The following PRDM2 variants were observed in gnomAD, a reference collection of about 807,000 sequenced individuals.
PRDM2 encodes the protein PR domain zinc finger protein 2.
A neutral mutation model predicts 130.0 loss-of-function variants in PRDM2; 30 were observed. The ratio of observed to expected loss-of-function variants is 0.23; its 90% CI spans 0.17 to 0.31. The LOEUF (loss-of-function observed/expected upper bound fraction) is 0.31. Ranked by LOEUF, PRDM2 falls within the 10% of genes least tolerant of loss-of-function variation. PRDM2 has a pLI of 1.00. For missense variants in PRDM2, 2,011 were observed against 2,108.4 expected (o/e 0.95, Z 0.90); for synonymous variants, 871 against 782.4 (o/e 1.11, Z -1.89).
chr1:13,774,644 A>G (rs1345731807), intron 7 of PRDM2, among the ~76,000 whole-genome samples: 1 of 152,154 alleles, frequency 6.6e-6, no homozygotes, highest in Non-Finnish European at 1.5e-5. Flanking sequence ...ATTCGAGACA[A>G]TTATTTTTCT....
intron 7 of PRDM2, chr1:13,773,643 G>A (rs1440085283): frequency 1.3e-5 from 2 of 152,306 alleles, no homozygotes; most frequent in African/African-American, 2.4e-5. Flanking sequence ...GTGCCCAGGA[G>A]TTAGAGGCTA....
At chr1:13,810,865 C>T (rs1386304261) in intron 8 of PRDM2, among the ~76,000 whole-genome samples, 1 of 152,028 alleles carries the variant, frequency 6.6e-6, no homozygotes, top group Admixed American at 6.6e-5. Flanking sequence ...ATTTTAGTGC[C>T]TGCATGCAGT....
chr1:13,737,605 A>C (rs918811237), intron 4 of PRDM2, among the ~76,000 whole-genome samples: 3 of 152,202 alleles, frequency 2.0e-5, no homozygotes, highest in Non-Finnish European at 4.4e-5. Context: ...TGAATGAAGT[A>C]ATTAAAGGTG....
At chr1:13,795,343 G>A (rs989342679) in intron 8 of PRDM2, among the ~76,000 whole-genome samples, 1 of 152,176 alleles carries the variant, frequency 6.6e-6, no homozygotes, top group African/African-American at 2.4e-5. Flanking sequence ...TTTTACAAAT[G>A]GGGAAACCGA....
Position 13,773,115 on chromosome 1 carries a change from C to A in PRDM2, c.549C>A (p.Asn183Lys). The A allele has an allele frequency of 1.9e-6, 3 of 1,560,336 alleles. No individual in the cohort carries two copies. Among genetic ancestry groups the A allele is most frequent in the Non-Finnish European group, 1.7e-6 (2 of 1,158,618 alleles). Reference sequence around the variant, plus strand: ...CCCAGGAAAATAAAAACAAAGGAAACAAAATCCAAGACATACAACTGAAGA... The same window carrying A: ...CCCAGGAAAATAAAAACAAAGGAAAAAAAATCCAAGACATACAACTGAAGA... ...KKSQENKNKG[N>K]KIQDIQLKTS... The change falls in exon 7 of 10, where the codon AAC (asparagine) becomes AAA (lysine). Residue 183 changes from asparagine (N) to lysine (K), a missense_variant. Transcript: ENST00000311066.
chr1:13,729,486 A>G (rs1197349078), intron 2 of PRDM2, among the ~76,000 whole-genome samples: 2 of 152,228 alleles, frequency 1.3e-5, no homozygotes, highest in Admixed American at 1.3e-4. Flanking sequence ...TGCCAATGCC[A>G]ACTACCAGTG....
intron 9 of PRDM2, among the ~76,000 whole-genome samples, chr1:13,819,158 T>C (rs1161071406): frequency 1.3e-5 from 2 of 152,194 alleles, no homozygotes. Flanking sequence ...AGGTGTTCTC[T>C]GCAGCCGGAG....
intron 8 of PRDM2, among the ~76,000 whole-genome samples, chr1:13,797,417 A>G (rs1393792467): frequency 6.6e-6 from 1 of 152,242 alleles, no homozygotes; most frequent in African/African-American, 2.4e-5. Flanking sequence ...CTGGTGTCAG[A>G]TATTGTAGTT....
chr1:13,718,441 G>T (rs1569718415), intron 2 of PRDM2, among the ~76,000 whole-genome samples: 1 of 152,156 alleles, frequency 6.6e-6, no homozygotes, highest in Non-Finnish European at 1.5e-5. Context: ...TCCACAGCCT[G>T]CCAGTACTTT....
rs944389005 is a variant in PRDM2, at chr1:13,749,215, G to C, written c.385-146G>C. The C allele has an allele frequency of 1.5e-4, 108 of 705,108 alleles. No homozygotes were observed. In the African/African-American group the frequency reaches 2.0e-3, roughly 13 times the overall value. The allele number at this position is 705,108 out of a possible 1,614,324, so 43.7% of individuals were successfully genotyped here. On this transcript the variant is annotated intron_variant, in intron 5 of 9. Transcript: ENST00000311066. ...CGGCGCGGCCCGCACGGGGCCGGGA[G>C]CCCTTCCTGCCGGCCGGGTGCGCGC...
chr1:13,716,940 CT>C (rs57528158), intron 2 of PRDM2, among the ~76,000 whole-genome samples: 88 of 151,672 alleles, frequency 5.8e-4, no homozygotes, highest in Non-Finnish European at 1.1e-3. Flanking sequence ...CTTTAGACAC[CT>C]TTTTTTTCAT....
chr1:13,781,474 G>A lies in PRDM2; in HGVS notation c.3679G>A (p.Gly1227Arg). The A allele has an allele frequency of 6.2e-7, 1 of 1,613,430 alleles. No homozygotes were observed. The highest frequency in any genetic ancestry group is 8.5e-7 in the Non-Finnish European group (1 of 1,179,794). Reference protein sequence around the residue: ...KVCTHHEFESGTLRPQNFTDP... With the variant: ...KVCTHHEFESRTLRPQNFTDP... ...GTGCACACATCACGAGTTTGAAAGC[G>A]GGACTCTGAGGCCCCAGAACTTTAC... Residue 1227 changes from glycine (G) to arginine (R), a missense_variant, in exon 8 of 10, where the codon GGG (glycine) becomes AGG (arginine). Transcript: ENST00000311066. This position sits in a 1 kb window ranked among gnomAD's most constrained non-coding sequence, Gnocchi z 6.1.
chr1:13,780,461 A>T lies in PRDM2; in HGVS notation c.2666A>T (p.Gln889Leu). 1 of 1,614,240 alleles carries T rather than the reference A, an allele frequency of 6.2e-7. No homozygotes were observed. Among genetic ancestry groups the T allele is most frequent in the Non-Finnish European group, 8.5e-7 (1 of 1,180,044 alleles). The change falls in exon 8 of 10, where the codon CAG (glutamine) becomes CTG (leucine). Residue 889 changes from glutamine to leucine, a missense_variant. Transcript: ENST00000311066. The stretch of plus-strand genomic sequence containing the variant: ...AGGAAACCAACCACCTGCATGCTGC[A>T]GAAGGTTCTTCTCAATGAATATAAT... ...KKRKPTTCML[Q>L]KVLLNEYNGI...
chr1:13,752,194 A>G (rs1199197888), intron 6 of PRDM2, among the ~76,000 whole-genome samples: 1 of 152,136 alleles, frequency 6.6e-6, no homozygotes, highest in Admixed American at 6.5e-5. Context: ...ACTCACACAA[A>G]TGTGTTAGGA....
At chr1:13,786,866 A>T (rs1644752255) in intron 8 of PRDM2, 2 of 1,076,980 alleles carry the variant, frequency 1.9e-6, no homozygotes, top group Admixed American at 5.1e-5. Flanking sequence ...GAAAGGATTG[A>T]TTTGAACTTA....
intron 4 of PRDM2, among the ~76,000 whole-genome samples, 190 bp downstream of exon 4, chr1:13,733,072 A>G (rs1362088484): frequency 6.6e-6 from 1 of 152,206 alleles, no homozygotes; most frequent in African/African-American, 2.4e-5. Context: ...TTGTATTTTG[A>G]AACTGCTTGG....
Position 13,781,326 on chromosome 1 carries a change from G to A in PRDM2, c.3531G>A (p.Leu1177=), listed in dbSNP as rs532760364. 8.1e-6 allele frequency: 13 copies of A among 1,614,180 alleles called. No individual in the cohort carries two copies. In the South Asian group the frequency reaches 1.1e-4, roughly 14 times the overall value. Residue 1177 remains leucine, a synonymous_variant, in exon 8 of 10, where the codon TTG becomes TTA. Coordinates refer to ENST00000311066, the MANE Select transcript of PRDM2 (RefSeq NM_001393986.1). This position sits in a 1 kb window ranked among gnomAD's most constrained non-coding sequence, Gnocchi z 6.1. ...AGCTTTTTAAGGATAAAACGGACTT[G>A]TCAGAACATCGCTTTTTGCTTCATG... ...CVQLFKDKTD[L]SEHRFLLHGV...
At chr1:13,757,954 C>G (rs1299197382) in intron 6 of PRDM2, among the ~76,000 whole-genome samples, 1 of 152,032 alleles carries the variant, frequency 6.6e-6, no homozygotes, top group East Asian at 1.9e-4. Flanking sequence ...GTCACCCTAA[C>G]CTATCCATGT....
intron 8 of PRDM2, chr1:13,786,587 G>A: frequency 1.2e-6 from 2 of 1,600,996 alleles, no homozygotes; most frequent in South Asian, 2.2e-5. Context: ...GCTCAACTTA[G>A]GATAAGCACT....
Sources: allele counts gnomAD v4.1 joint callset (sites outside exome capture counted in the v4.1 genomes callset), GRCh38; gene constraint gnomAD v4.1.1; non-coding constraint Gnocchi (gnomAD v3.1); transcripts MANE v1.5; gene names NCBI Gene and HGNC (gene_info 2026-07-23, HGNC 2026-07-21).